CNTNAP2: variants seen among roughly 807,000 people sequenced by gnomAD.
The protein encoded by CNTNAP2 is contactin associated protein 2.
Under a neutral mutation model 155.2 loss-of-function variants are expected in CNTNAP2, and 98 were observed. That is an observed-to-expected ratio of 0.63 (90% CI 0.54 to 0.75). The LOEUF (loss-of-function observed/expected upper bound fraction) is 0.75, where lower values mean the gene tolerates loss of function less well. Among genes scored for constraint, CNTNAP2 ranks in the 30% least tolerant of loss-of-function variants. The probability of loss-of-function intolerance (pLI) is 0.00; values close to 1 mark genes in which losing one functional copy is unlikely to be tolerated. For missense variants in CNTNAP2, 1,727 were observed against 1,688.1 expected (o/e 1.02, Z -0.40); for synonymous variants, 651 against 631.2 (o/e 1.03, Z -0.47).
At chr7:146,151,000 G>A (rs973749005) in intron 1 of CNTNAP2, among the ~76,000 whole-genome samples, 28 of 152,100 alleles carry the variant, frequency 1.8e-4, no homozygotes, top group Non-Finnish European at 3.1e-4. Context: ...GGCTGAAGGC[G>A]AAGAGGAAGC....
intron 10 of CNTNAP2, among the ~76,000 whole-genome samples, chr7:147,413,592 A>AT (rs1445236173): frequency 5.3e-5 from 8 of 152,154 alleles, no homozygotes; most frequent in Non-Finnish European, 1.2e-4. Context: ...ATAAATCAAT[A>AT]TTTTTTTGAG....
In CNTNAP2 at chr7:148,293,055, C is replaced by T. The variant is rs1011251026; in HGVS notation, c.3475+25929C>T. Among the ~76,000 whole-genome samples, 13 of 145,514 alleles carry T rather than the reference C, an allele frequency of 8.9e-5. No homozygotes were observed. The South Asian group carries it at 2.9e-3, about 33-fold the overall frequency. ...AGGGAGCACAGCGCAGTTGTATAGA[C>T]ATCGTGATTGACAAAAAATAAATAA... On this transcript the variant is annotated intron_variant, in intron 21 of 23. Coordinates refer to ENST00000361727, the MANE Select transcript of CNTNAP2 (RefSeq NM_014141.6).
intron 9 of CNTNAP2, among the ~76,000 whole-genome samples, chr7:147,311,697 G>T (rs897572575): frequency 1.7e-5 from 2 of 120,790 alleles, no homozygotes; most frequent in Non-Finnish European, 3.3e-5. Context: ...AAACCAGAAA[G>T]AAGTTTGTGT....
intron 1 of CNTNAP2, among the ~76,000 whole-genome samples, chr7:146,356,419 C>T (rs1794998983): frequency 6.6e-6 from 1 of 152,094 alleles, no homozygotes; most frequent in Non-Finnish European, 1.5e-5. Flanking sequence ...CGAACATAGC[C>T]TGTGGATAAG....
intron 3 of CNTNAP2, among the ~76,000 whole-genome samples, chr7:146,885,253 T>TA (rs992296177): frequency 6.6e-6 from 1 of 152,140 alleles, no homozygotes; most frequent in African/African-American, 2.4e-5. Context: ...TCCAATAAAA[T>TA]AAAAAACCTG....
At chr7:147,920,964 C>T in intron 14 of CNTNAP2, among the ~76,000 whole-genome samples, 1 of 151,952 alleles carries the variant, frequency 6.6e-6, no homozygotes, top group East Asian at 1.9e-4. Flanking sequence ...CACCCGCCAC[C>T]ACGCCCAGCT....
chr7:146,258,336 C>A (rs1335927499), intron 1 of CNTNAP2, among the ~76,000 whole-genome samples: 7 of 152,146 alleles, frequency 4.6e-5, no homozygotes, highest in Non-Finnish European at 1.0e-4. Context: ...CTAAGCCTCA[C>A]AGCACATATT....
intron 10 of CNTNAP2, among the ~76,000 whole-genome samples, chr7:147,454,392 C>T (rs1797885752): frequency 6.6e-6 from 1 of 152,046 alleles, no homozygotes; most frequent in African/African-American, 2.4e-5. Context: ...CAAGACTTTG[C>T]TCTTTTCTAC....
chr7:147,328,212 C>T (rs1584876588), intron 9 of CNTNAP2, among the ~76,000 whole-genome samples: 1 of 152,070 alleles, frequency 6.6e-6, no homozygotes, highest in Non-Finnish European at 1.5e-5. Context: ...GAGAACTTGG[C>T]AAGTATCAGA....
intron 3 of CNTNAP2, among the ~76,000 whole-genome samples, chr7:146,842,960 C>G (rs1159442423): frequency 7.3e-6 from 1 of 136,248 alleles, no homozygotes; most frequent in East Asian, 2.3e-4. Flanking sequence ...GCTGGGATTA[C>G]AGGCACGAGC....
At chr7:147,166,569 C>A (rs909486031) in intron 8 of CNTNAP2, among the ~76,000 whole-genome samples, 1 of 152,068 alleles carries the variant, frequency 6.6e-6, no homozygotes, top group Non-Finnish European at 1.5e-5. Context: ...CTTGTGCGTC[C>A]GTGTGAAGAG....
intron 16 of CNTNAP2, among the ~76,000 whole-genome samples, chr7:148,146,376 A>T (rs1190974054): frequency 6.6e-6 from 1 of 152,226 alleles, no homozygotes; most frequent in African/African-American, 2.4e-5. Context: ...ACAAGAAAAA[A>T]TATACATTTA....
At chr7:147,821,133 A>T (rs1354469542) in intron 13 of CNTNAP2, among the ~76,000 whole-genome samples, 1 of 152,166 alleles carries the variant, frequency 6.6e-6, no homozygotes, top group Non-Finnish European at 1.5e-5. Context: ...TACTAGACAT[A>T]TTTGTGACAG....
At chr7:148,243,979 G>A (rs1001708401) in intron 20 of CNTNAP2, among the ~76,000 whole-genome samples, 5 of 152,096 alleles carry the variant, frequency 3.3e-5, no homozygotes, top group Non-Finnish European at 5.9e-5. Flanking sequence ...TTTAGCATGT[G>A]CAAAGTTATA....
At chr7:147,042,341 G>A (rs563101091) in intron 3 of CNTNAP2, among the ~76,000 whole-genome samples, 12 of 152,122 alleles carry the variant, frequency 7.9e-5, no homozygotes, top group Non-Finnish European at 1.6e-4. Flanking sequence ...ACCATCTAAA[G>A]GTTACATAAA....
At chr7:147,565,632 A>G (rs13236486) in intron 12 of CNTNAP2, among the ~76,000 whole-genome samples, 33,987 of 152,098 alleles carry the variant, frequency 0.22, 4,572 homozygotes, top group Non-Finnish European at 0.3. Flanking sequence ...GGTAGAATTG[A>G]CAGGATTGGT....
intron 1 of CNTNAP2, among the ~76,000 whole-genome samples, chr7:146,463,843 C>T (rs73462773): frequency 0.027 from 4,163 of 151,764 alleles, 137 homozygotes; most frequent in African/African-American, 0.074. Flanking sequence ...TTGTAAAAAA[C>T]AATAAAATAC....
At chr7:147,267,809 A>G (rs1370223287) in intron 8 of CNTNAP2, among the ~76,000 whole-genome samples, 1 of 152,216 alleles carries the variant, frequency 6.6e-6, no homozygotes, top group East Asian at 1.9e-4. Flanking sequence ...AATCTTGAAG[A>G]GAGGATCAGT....
At chr7:146,865,375 A>G (rs1405606411) in intron 3 of CNTNAP2, among the ~76,000 whole-genome samples, 1 of 152,112 alleles carries the variant, frequency 6.6e-6, no homozygotes, top group East Asian at 1.9e-4. Flanking sequence ...TTTGAAAAAA[A>G]TTGGAGGAAA....
Sources: allele counts gnomAD v4.1 joint callset (sites outside exome capture counted in the v4.1 genomes callset), GRCh38; gene constraint gnomAD v4.1.1; transcripts MANE v1.5; gene names NCBI Gene and HGNC (gene_info 2026-07-23, HGNC 2026-07-21).